ARHGEF4: variants seen among roughly 807,000 people sequenced by gnomAD.
ARHGEF4 encodes APC-stimulated guanine nucleotide exchange factor 1.
In ARHGEF4, 119 loss-of-function variants were observed where a neutral mutation model predicts 162.0. The ratio of observed to expected loss-of-function variants is 0.73; its 90% CI spans 0.63 to 0.86. ARHGEF4 has a LOEUF of 0.86. Among genes scored for constraint, ARHGEF4 ranks in the 40% least tolerant of loss-of-function variants. The pLI is 0.00. For missense variants in ARHGEF4, 2,488 were observed against 2,456.0 expected, an observed-to-expected ratio of 1.01 and a Z score of -0.28; for synonymous variants, 1,014 against 979.9, an observed-to-expected ratio of 1.03 and a Z score of -0.65.
chr2:131,034,035 G>C (rs1038619445), intron 5 of ARHGEF4, among the ~76,000 whole-genome samples: 2 of 152,168 alleles, frequency 1.3e-5, no homozygotes, highest in Non-Finnish European at 2.9e-5. Flanking sequence ...CAGTCAACAG[G>C]ATGGTGACAT....
Position 130,918,415 on chromosome 2 carries a change from G to A in ARHGEF4, c.3552+917G>A, listed in dbSNP as rs771502831. On this transcript the variant is annotated intron_variant, in intron 2 of 13. Transcript: ENST00000409359. ...GAAGGAGAGAGCTTTTCTGGAAATT[G>A]CAGAGCGTGCCCTGGAGACTGCGAA... is the stretch of plus-strand genomic sequence containing the variant. Among the ~76,000 whole-genome samples, 30 of 152,316 alleles carry A rather than the reference G, an allele frequency of 2.0e-4. No homozygotes were observed. The South Asian group carries it at 3.1e-3, about 16-fold the overall frequency.
rs1469036944 is a variant in ARHGEF4 at position 130,875,447 on chromosome 2, C to T, written c.39+38455C>T. Among the ~76,000 whole-genome samples the T allele has an allele frequency of 3.9e-5, 6 of 152,142 alleles. No homozygotes were observed. The East Asian group carries it at 5.8e-4, about 15-fold the overall frequency. Reference sequence around the variant, plus strand: ...TGGGAAGTGCAAGATCAGACAGCCACGTCTGCTTGGCTTCAGATGAGAGCC... The same window carrying T: ...TGGGAAGTGCAAGATCAGACAGCCATGTCTGCTTGGCTTCAGATGAGAGCC... On this transcript the variant is annotated intron_variant, in intron 1 of 13. Coordinates refer to ENST00000409359, the MANE Select transcript of ARHGEF4 (RefSeq NM_001367493.1).
intron 4 of ARHGEF4, chr2:130,947,253 A>C (rs923502118): frequency 6.5e-6 from 1 of 152,750 alleles, no homozygotes; most frequent in African/African-American, 2.4e-5. Context: ...AATTATCTCC[A>C]TATGGTGGTG....
At chr2:130,919,403 C>T (rs1040742799) in intron 2 of ARHGEF4, among the ~76,000 whole-genome samples, 2 of 152,130 alleles carry the variant, frequency 1.3e-5, no homozygotes, top group Non-Finnish European at 2.9e-5. Context: ...TATCTGAGTG[C>T]CCATTTCCTC....
At chr2:130,934,037 T>C (rs1238223404) in intron 3 of ARHGEF4, among the ~76,000 whole-genome samples, 2 of 152,202 alleles carry the variant, frequency 1.3e-5, no homozygotes, top group East Asian at 1.9e-4. Context: ...CTTTCACTAT[T>C]GTGTATGATG....
intron 1 of ARHGEF4, among the ~76,000 whole-genome samples, chr2:130,886,563 C>T (rs879876981): frequency 4.0e-5 from 6 of 151,718 alleles, no homozygotes; most frequent in Admixed American, 3.9e-4. Context: ...CACCTGTAGT[C>T]CCAGCTACTT....
At position 130,915,072 on chromosome 2, in the gene ARHGEF4, C is replaced by T. The variant is rs939505995; in HGVS notation, c.1126C>T (p.Gln376Ter). The change falls in exon 2 of 14, where the codon CAA (glutamine) becomes TAA (stop). Residue 376 changes from glutamine to a stop codon, truncating the protein, a stop_gained. Transcript: ENST00000409359. LOFTEE classifies it high-confidence loss of function. ...CAAAAATGAACGAGATCCAAGAATA[C>T]AAAACATCCCTTCCCCTGCACCCAC... ...GAKNERDPRIQNIPSPAPTQL... is the reference protein window; with the variant it reads ...GAKNERDPRI 6.4e-7 allele frequency: 1 copy of T among 1,550,598 alleles called. No homozygotes were observed. The highest frequency in any genetic ancestry group is 8.7e-7 in the Non-Finnish European group (1 of 1,147,036).
At chr2:130,959,914 C>T (rs1464076657) in intron 4 of ARHGEF4, among the ~76,000 whole-genome samples, 1 of 152,230 alleles carries the variant, frequency 6.6e-6, no homozygotes, top group African/African-American at 2.4e-5. Flanking sequence ...CATTCTGTTT[C>T]TGTTTTTTTG....
intron 1 of ARHGEF4, among the ~76,000 whole-genome samples, chr2:130,871,536 C>CA (rs1488253038): frequency 4.7e-5 from 7 of 149,238 alleles, no homozygotes; most frequent in East Asian, 2.0e-4. Flanking sequence ...AACTCCGTCT[C>CA]AAAAAAATAT....
At chr2:130,868,458 G>T (rs1682457103) in intron 1 of ARHGEF4, among the ~76,000 whole-genome samples, 1 of 151,764 alleles carries the variant, frequency 6.6e-6, no homozygotes, top group African/African-American at 2.4e-5. Flanking sequence ...GGTGTGGGAG[G>T]GTGGGGTGGG....
chr2:130,872,737 G>A (rs1032524088), intron 1 of ARHGEF4, among the ~76,000 whole-genome samples: 1 of 152,198 alleles, frequency 6.6e-6, no homozygotes, highest in South Asian at 2.1e-4. Flanking sequence ...CAAGGGAGGC[G>A]ATACAAAGGA....
At chr2:130,985,636 A>G (rs1450304912) in intron 4 of ARHGEF4, among the ~76,000 whole-genome samples, 1 of 152,206 alleles carries the variant, frequency 6.6e-6, no homozygotes, top group Non-Finnish European at 1.5e-5. Context: ...AGGAACTTGC[A>G]TCAAGCAAAT....
rs578200972 is a variant in ARHGEF4, at chr2:130,886,008, T to A, written c.40-27978T>A. ...TCACACCCAGCACTCTAGAAGCCTCTGGAAACCCCTTCCCAGTCTGTTGTG... is the reference window on the plus strand; with the variant it reads ...TCACACCCAGCACTCTAGAAGCCTCAGGAAACCCCTTCCCAGTCTGTTGTG... On this transcript the variant is annotated intron_variant, in intron 1 of 13. Coordinates refer to ENST00000409359, the MANE Select transcript of ARHGEF4 (RefSeq NM_001367493.1). Among the ~76,000 whole-genome samples, 100 of 152,226 alleles carry A rather than the reference T, an allele frequency of 6.6e-4. 1 individual carries two copies. The highest frequency in any genetic ancestry group is 2.3e-3 in the African/African-American group (94 of 41,478).
intron 4 of ARHGEF4, among the ~76,000 whole-genome samples, chr2:130,974,943 G>T (rs948378485): frequency 2.0e-5 from 3 of 152,046 alleles, no homozygotes; most frequent in Admixed American, 2.0e-4. Flanking sequence ...GTTTAACAGA[G>T]ACTCAATTTT....
chr2:130,886,249 T>A (rs1182233122), intron 1 of ARHGEF4, among the ~76,000 whole-genome samples: 2 of 151,916 alleles, frequency 1.3e-5, no homozygotes, highest in Non-Finnish European at 2.9e-5. Context: ...GATTTCTGTA[T>A]CTGATGAGAT....
At chr2:131,019,921 A>T (rs545338639) in intron 4 of ARHGEF4, among the ~76,000 whole-genome samples, 18 of 152,338 alleles carry the variant, frequency 1.2e-4, no homozygotes, top group Non-Finnish European at 2.1e-4. Flanking sequence ...GGCGTGAGCC[A>T]CCATGCCTGG....
chr2:130,876,218 G>C (rs1678833688), intron 1 of ARHGEF4, among the ~76,000 whole-genome samples: 1 of 152,280 alleles, frequency 6.6e-6, no homozygotes, highest in East Asian at 1.9e-4. Context: ...TGGGGGCACA[G>C]GCGGCCTAGG....
In ARHGEF4 at chr2:131,043,360, G is replaced by A; in HGVS notation, c.5026-92G>A. 3 of 1,560,888 alleles carry A rather than the reference G, an allele frequency of 1.9e-6. No homozygotes were observed. In the East Asian group the frequency reaches 6.8e-5, roughly 36 times the overall value. On this transcript the variant is annotated intron_variant, in intron 10 of 13. Transcript: ENST00000409359. ...AGGTGGGCGCTGCAGGCAAGGCCAG[G>A]GGGAGGTGCGCCACCCACCCATGAT...
intron 1 of ARHGEF4, among the ~76,000 whole-genome samples, chr2:130,869,031 C>T (rs1441715112): frequency 6.6e-6 from 1 of 152,222 alleles, no homozygotes; most frequent in Non-Finnish European, 1.5e-5. Context: ...TTACCTCAGC[C>T]CCATCCCTTT....
Sources: allele counts gnomAD v4.1 joint callset (sites outside exome capture counted in the v4.1 genomes callset), GRCh38; gene constraint gnomAD v4.1.1; transcripts MANE v1.5; gene names NCBI Gene and HGNC (gene_info 2026-07-23, HGNC 2026-07-21).